The following ASXL2 variants were observed in gnomAD, a reference collection of about 807,000 sequenced individuals.
ASXL2 encodes the protein putative Polycomb group protein ASXL2.
ASXL2 carries 23 observed loss-of-function variants against 122.0 expected under a neutral mutation model. The observed-to-expected ratio is 0.19, with a 90% CI of 0.14 to 0.27. The LOEUF (loss-of-function observed/expected upper bound fraction) is 0.27, where lower values mean the gene tolerates loss of function less well. Among genes scored for constraint, ASXL2 ranks in the 10% least tolerant of loss-of-function variants. The pLI is 1.00. For missense variants in ASXL2, 1,518 were observed against 1,713.8 expected, an observed-to-expected ratio of 0.89 and a Z score of 2.02; for synonymous variants, 650 against 637.0, an observed-to-expected ratio of 1.02 and a Z score of -0.31.
intron 10 of ASXL2, 65 bp downstream of exon 10, chr2:25,755,953 G>T: frequency 7.6e-7 from 1 of 1,311,616 alleles, no homozygotes; most frequent in South Asian, 1.2e-5. Flanking sequence ...GTAATTACCT[G>T]ATGAGGAAGA....
At chr2:25,772,345 A>G (rs1033692913) in intron 5 of ASXL2, among the ~76,000 whole-genome samples, 3 of 152,204 alleles carry the variant, frequency 2.0e-5, no homozygotes, top group African/African-American at 7.2e-5. Context: ...AATGTTTACT[A>G]AAGTCTTCCC....
At chr2:25,785,494 G>A (rs1260387615) in intron 5 of ASXL2, among the ~76,000 whole-genome samples, 1 of 151,788 alleles carries the variant, frequency 6.6e-6, no homozygotes, top group African/African-American at 2.4e-5. Context: ...CAAAGTGCTG[G>A]GATTACAGGA....
intron 5 of ASXL2, among the ~76,000 whole-genome samples, chr2:25,772,765 C>T (rs930921774): frequency 6.4e-5 from 9 of 140,978 alleles, no homozygotes; most frequent in African/African-American, 7.8e-5. Context: ...AAGGTACATA[C>T]GTTCTGTAGC....
intron 9 of ASXL2, 124 bp from the exon 10 acceptor site, chr2:25,756,238 C>T: frequency 2.3e-6 from 1 of 436,984 alleles, no homozygotes; most frequent in South Asian, 5.8e-5. Flanking sequence ...ATATAACTAT[C>T]TCATACTATG....
rs2089352341 is a variant in ASXL2 at position 25,824,522 on chromosome 2, CAAAT to C, written c.143+11012_143+11015del. Among the ~76,000 whole-genome samples, 3 of 152,152 alleles carry C rather than the reference CAAAT, an allele frequency of 2.0e-5. No homozygotes were observed. In the South Asian group the frequency reaches 6.2e-4, roughly 32 times the overall value. On this transcript the variant is annotated intron_variant, in intron 3 of 12. Coordinates refer to ENST00000435504, the MANE Select transcript of ASXL2 (RefSeq NM_018263.6). ...ACAATTTGCCTCCAGAAAAATTCAG[CAAAT>C]AGATAGAAGTTTAAAATGTACACTA...
intron 2 of ASXL2, among the ~76,000 whole-genome samples, chr2:25,840,900 T>C (rs890126036): frequency 6.6e-6 from 1 of 152,204 alleles, no homozygotes; most frequent in African/African-American, 2.4e-5. Context: ...CTCAAAGTCA[T>C]GTATTAAGGT....
At chr2:25,850,540 C>G (rs2089702930) in intron 1 of ASXL2, among the ~76,000 whole-genome samples, 1 of 152,146 alleles carries the variant, frequency 6.6e-6, no homozygotes, top group Non-Finnish European at 1.5e-5. Flanking sequence ...AAGAAAACTT[C>G]ATAGGCTTAT....
intron 3 of ASXL2, among the ~76,000 whole-genome samples, chr2:25,820,275 C>T (rs2089294001): frequency 6.6e-6 from 1 of 152,080 alleles, no homozygotes; most frequent in African/African-American, 2.4e-5. Context: ...TCAGACATCT[C>T]AGAAACACAA....
At chr2:25,798,838 G>C (rs750092842) in intron 5 of ASXL2, among the ~76,000 whole-genome samples, 2 of 152,158 alleles carry the variant, frequency 1.3e-5, no homozygotes. Flanking sequence ...AGATTTGAGG[G>C]CAATGAAACT....
intron 1 of ASXL2, among the ~76,000 whole-genome samples, chr2:25,864,862 G>A (rs944576708): frequency 1.4e-4 from 21 of 147,540 alleles, no homozygotes; most frequent in Admixed American, 1.1e-3. Context: ...ACGGAGTTTC[G>A]CTCTCGTTGC....
intron 10 of ASXL2, 71 bp from the exon 11 acceptor site, chr2:25,753,710 T>C (rs2149142997): frequency 3.4e-6 from 4 of 1,185,004 alleles, no homozygotes; most frequent in Non-Finnish European, 4.9e-6. Context: ...TTATAAATCA[T>C]GAAAGACTCA....
chr2:25,846,246 T>C (rs1203021106), intron 1 of ASXL2, among the ~76,000 whole-genome samples: 1 of 152,194 alleles, frequency 6.6e-6, no homozygotes, highest in Non-Finnish European at 1.5e-5. Flanking sequence ...TTTCCCCCCT[T>C]TCCTTTTTCT....
intron 5 of ASXL2, among the ~76,000 whole-genome samples, chr2:25,785,010 C>A (rs970441677): frequency 6.6e-6 from 1 of 152,106 alleles, no homozygotes; most frequent in African/African-American, 2.4e-5. Context: ...TATAGTGCTG[C>A]CCAGGCTAAT....
intron 8 of ASXL2, among the ~76,000 whole-genome samples, chr2:25,763,259 G>A (rs927030425): frequency 6.6e-6 from 1 of 152,174 alleles, no homozygotes; most frequent in African/African-American, 2.4e-5. Flanking sequence ...AGGAGGCTGA[G>A]GCGGGCGGTA....
intron 5 of ASXL2, among the ~76,000 whole-genome samples, chr2:25,786,215 T>C (rs2088741605): frequency 6.7e-6 from 1 of 148,754 alleles, no homozygotes; most frequent in Non-Finnish European, 1.5e-5. Context: ...AAAAAGTATC[T>C]ACAAACAACC....
In ASXL2 at chr2:25,771,511, G is replaced by C. The variant is rs561741660; in HGVS notation, c.433C>G (p.Pro145Ala). Residue 145 changes from proline (P) to alanine (A), a missense_variant, in exon 6 of 13, where the codon CCA becomes GCA. This residue lies in a region of ASXL2 where 198 missense variants were observed against 209.0 expected (regional missense o/e 0.95). Transcript: ENST00000435504. ...VSSSSPQSGC[P>A]SPTIPAGKVI... is the part of the protein sequence containing the mutation. Reference sequence around the variant, plus strand: ...TTACCTGCTGGAATGGTGGGTGATGGGCAGCCTGACTGCGGGGAGGACGAC... The same window carrying C: ...TTACCTGCTGGAATGGTGGGTGATGCGCAGCCTGACTGCGGGGAGGACGAC... 4 of 1,613,592 alleles carry C rather than the reference G, an allele frequency of 2.5e-6. No homozygotes were observed. In the African/African-American group the frequency reaches 4.0e-5, roughly 16 times the overall value.
chr2:25,755,468 T>A (rs1029866137), intron 10 of ASXL2, among the ~76,000 whole-genome samples: 4 of 152,234 alleles, frequency 2.6e-5, no homozygotes, highest in African/African-American at 7.2e-5. Context: ...TCATGATCCA[T>A]ACTTACTACA....
Position 25,838,351 on chromosome 2 carries a change from T to A in ASXL2, c.141-2811A>T, listed in dbSNP as rs930005609. Among the ~76,000 whole-genome samples, 6 of 152,336 alleles carry A rather than the reference T, an allele frequency of 3.9e-5. No homozygotes were observed. In the East Asian group the frequency reaches 9.6e-4, roughly 24 times the overall value. ...GCCCTGCTTTCTTTTTACCTTTGAATAGTTAATCCCTGGTTAATCTGTTAA... is the reference window on the plus strand; with the variant it reads ...GCCCTGCTTTCTTTTTACCTTTGAAAAGTTAATCCCTGGTTAATCTGTTAA... On this transcript the variant is annotated intron_variant, in intron 2 of 12. Coordinates refer to ENST00000435504, the MANE Select transcript of ASXL2 (RefSeq NM_018263.6).
At chr2:25,755,632 C>T (rs140083764) in intron 10 of ASXL2, among the ~76,000 whole-genome samples, 1 of 152,340 alleles carries the variant, frequency 6.6e-6, no homozygotes, top group African/African-American at 2.4e-5. Context: ...GATTATCTCA[C>T]TGCTTACCAA....
Sources: allele counts gnomAD v4.1 joint callset (sites outside exome capture counted in the v4.1 genomes callset), GRCh38; gene constraint gnomAD v4.1.1; regional missense constraint gnomAD v4.1.1; transcripts MANE v1.5; gene names NCBI Gene and HGNC (gene_info 2026-07-23, HGNC 2026-07-21).